The following CCSER1 variants were observed in gnomAD, a reference collection of about 807,000 sequenced individuals.
The protein encoded by CCSER1 is serine-rich coiled-coil domain-containing protein 1.
Under a neutral mutation model 82.0 loss-of-function variants are expected in CCSER1, and 41 were observed. The observed-to-expected ratio is 0.50, with a 90% CI of 0.39 to 0.65. The LOEUF is 0.65. CCSER1 is among the 30% of genes least tolerant of loss of function. The pLI, the probability that CCSER1 is intolerant of heterozygous loss-of-function variation, is 0.00. For missense variants in CCSER1, 1,119 were observed against 1,064.2 expected, an observed-to-expected ratio of 1.05 and a Z score of -0.72; for synonymous variants, 414 against 383.9, an observed-to-expected ratio of 1.08 and a Z score of -0.92.
intron 10 of CCSER1, among the ~76,000 whole-genome samples, chr4:91,192,731 G>C (rs1735107474): frequency 6.6e-6 from 1 of 152,152 alleles, no homozygotes; most frequent in South Asian, 2.1e-4. Flanking sequence ...CTAAAGCAAA[G>C]CTGTGCTGAT....
intron 3 of CCSER1, among the ~76,000 whole-genome samples, chr4:90,361,713 C>T (rs1745417575): frequency 6.6e-6 from 1 of 152,122 alleles, no homozygotes; most frequent in African/African-American, 2.4e-5. Flanking sequence ...CACATGTACC[C>T]AATGTTTTGC....
chr4:90,869,382 G>T (rs541375900), intron 8 of CCSER1, among the ~76,000 whole-genome samples: 1 of 151,992 alleles, frequency 6.6e-6, no homozygotes, highest in South Asian at 2.1e-4. Context: ...TTTGCATATG[G>T]GTAGCAATAG....
chr4:91,241,365 G>A (rs372030721), intron 10 of CCSER1, among the ~76,000 whole-genome samples: 5 of 135,960 alleles, frequency 3.7e-5, no homozygotes, highest in East Asian at 4.1e-4. Context: ...TTGCTCTGTC[G>A]CCCAGGCTGG....
intron 5 of CCSER1, among the ~76,000 whole-genome samples, chr4:90,622,469 C>G (rs1320085142): frequency 6.6e-6 from 1 of 152,126 alleles, no homozygotes; most frequent in African/African-American, 2.4e-5. Flanking sequence ...TTTCCTGTGT[C>G]CAAGTGTTCT....
chr4:90,556,261 A>G (rs1778128900), intron 5 of CCSER1, among the ~76,000 whole-genome samples: 1 of 152,164 alleles, frequency 6.6e-6, no homozygotes, highest in African/African-American at 2.4e-5. Context: ...TTAAAGAAAT[A>G]TAGAAAGCAG....
intron 7 of CCSER1, among the ~76,000 whole-genome samples, chr4:90,748,075 G>T (rs1480785367): frequency 7.4e-6 from 1 of 135,452 alleles, no homozygotes; most frequent in Non-Finnish European, 1.6e-5. Context: ...TAGGGTACAT[G>T]TGCACATTGT....
chr4:91,039,715 A>C, intron 9 of CCSER1, among the ~76,000 whole-genome samples: 1 of 148,230 alleles, frequency 6.7e-6, no homozygotes, highest in South Asian at 2.1e-4. Flanking sequence ...ATATATGAGT[A>C]TCTTTCTGTA....
chr4:90,865,305 T>G (rs1765593985), intron 8 of CCSER1, among the ~76,000 whole-genome samples: 1 of 152,034 alleles, frequency 6.6e-6, no homozygotes, highest in Admixed American at 6.6e-5. Flanking sequence ...AGGAAGATAA[T>G]AACACAAATT....
At chr4:90,609,722 G>T (rs1785200112) in intron 5 of CCSER1, among the ~76,000 whole-genome samples, 2 of 151,820 alleles carry the variant, frequency 1.3e-5, no homozygotes, top group South Asian at 2.1e-4. Flanking sequence ...TCGCATGGAG[G>T]GACACTCAGA....
At chr4:90,484,914 GA>G (rs1466874834) in intron 5 of CCSER1, among the ~76,000 whole-genome samples, 1 of 152,178 alleles carries the variant, frequency 6.6e-6, no homozygotes, top group Non-Finnish European at 1.5e-5. Flanking sequence ...GTCAGACAGG[GA>G]CATTTAAGTC....
At chr4:91,303,951 G>C (rs1744860149) in intron 10 of CCSER1, among the ~76,000 whole-genome samples, 1 of 152,028 alleles carries the variant, frequency 6.6e-6, no homozygotes, top group South Asian at 2.1e-4. Flanking sequence ...TGAAAATATA[G>C]TCTGTTAATT....
At chr4:90,355,666 A>G (rs1164119250) in intron 3 of CCSER1, among the ~76,000 whole-genome samples, 1 of 151,998 alleles carries the variant, frequency 6.6e-6, no homozygotes, top group Non-Finnish European at 1.5e-5. Context: ...CATAGACAGT[A>G]GAGAATATGA....
intron 1 of CCSER1, among the ~76,000 whole-genome samples, chr4:90,149,987 G>A (rs1196152623): frequency 1.3e-5 from 2 of 152,136 alleles, no homozygotes; most frequent in East Asian, 3.8e-4. Flanking sequence ...CTATAAAGTT[G>A]ACCCTTGAAC....
At chr4:91,072,374 C>A (rs1206844228) in intron 9 of CCSER1, among the ~76,000 whole-genome samples, 1 of 152,072 alleles carries the variant, frequency 6.6e-6, no homozygotes, top group South Asian at 2.1e-4. Context: ...TGGAATTCAA[C>A]GTCATTTACT....
In CCSER1 at chr4:91,579,129, ATTATTATTG is replaced by A. The variant is rs1763603564; in HGVS notation, c.2218-19440_2218-19432del. ...TTACTATTATTATTATATTATTATT[ATTATTATTG>A]TTTTTAAACCTTTCTTTCTGAGCAC... On this transcript the variant is annotated intron_variant, in intron 10 of 10. Transcript: ENST00000509176. Among the ~76,000 whole-genome samples the A allele has an allele frequency of 2.6e-5, 4 of 151,274 alleles. 1 individual carries two copies. In the South Asian group the frequency reaches 8.3e-4, roughly 31 times the overall value.
chr4:90,471,654 T>A (rs954435254), intron 5 of CCSER1, among the ~76,000 whole-genome samples: 2 of 151,666 alleles, frequency 1.3e-5, no homozygotes, highest in African/African-American at 4.9e-5. Flanking sequence ...CAGTTTTGTG[T>A]ATTTTGGATT....
At chr4:90,658,461 GTCT>G (rs1208692846) in intron 6 of CCSER1, among the ~76,000 whole-genome samples, 3 of 152,176 alleles carry the variant, frequency 2.0e-5, no homozygotes. Flanking sequence ...GAATTCCAAT[GTCT>G]TCTTCTCAAC....
At chr4:90,397,481 G>C (rs1473719503) in intron 3 of CCSER1, among the ~76,000 whole-genome samples, 1 of 152,190 alleles carries the variant, frequency 6.6e-6, no homozygotes, top group Non-Finnish European at 1.5e-5. Context: ...CATCATGTAT[G>C]CCTCTGGATC....
intron 10 of CCSER1, among the ~76,000 whole-genome samples, chr4:91,533,576 G>T (rs958557703): frequency 3.9e-5 from 6 of 152,112 alleles, no homozygotes; most frequent in Non-Finnish European, 8.8e-5. Context: ...CAGAAGGCTG[G>T]CTATGATTAT....
Sources: gnomAD v4.1 joint callset for allele counts (sites outside exome capture counted in the v4.1 genomes callset) on GRCh38, gnomAD v4.1.1 for gene constraint, MANE v1.5 for transcripts, NCBI Gene and HGNC (gene_info 2026-07-23, HGNC 2026-07-21) for gene names.